The following DLC1 variants were observed in gnomAD, a reference collection of about 807,000 sequenced individuals.
DLC1 encodes the protein rho GTPase-activating protein 7.
Under a neutral mutation model 140.3 loss-of-function variants are expected in DLC1, and 54 were observed. The ratio of observed to expected loss-of-function variants is 0.38; its 90% confidence interval spans 0.31 to 0.48. DLC1 has a LOEUF of 0.48. Ranked by LOEUF, DLC1 falls within the 20% of genes least tolerant of loss-of-function variation. DLC1 has a pLI of 0.96. For missense variants in DLC1, 2,536 were observed against 1,907.0 expected, an observed-to-expected ratio of 1.33 and a Z score of -6.14; for synonymous variants, 986 against 728.1, an observed-to-expected ratio of 1.35 and a Z score of -5.70.
chr8:13,379,137 C>T (rs549388306), intron 4 of DLC1, among the ~76,000 whole-genome samples: 95 of 152,136 alleles, frequency 6.2e-4, no homozygotes, highest in Admixed American at 1.9e-3. Flanking sequence ...TCAAGAAAAA[C>T]GGTTCTTTAG....
At chr8:13,215,850 G>A (rs1470294646) in intron 5 of DLC1, among the ~76,000 whole-genome samples, 1 of 152,150 alleles carries the variant, frequency 6.6e-6, no homozygotes, top group Admixed American at 6.6e-5. Context: ...AGCCCGTGGA[G>A]TAATCTACTG....
intron 2 of DLC1, among the ~76,000 whole-genome samples, chr8:13,438,659 C>G (rs374150988): frequency 6.6e-6 from 1 of 152,112 alleles, no homozygotes; most frequent in Admixed American, 6.6e-5. Context: ...ACATTGAGTC[C>G]TTCTGCCGAG....
At chr8:13,214,613 G>T in intron 5 of DLC1, 1 of 771,134 alleles carries the variant, frequency 1.3e-6, no homozygotes, top group South Asian at 1.4e-5. Flanking sequence ...TGTTCTGCCA[G>T]GCACACACCG....
At chr8:13,344,291 T>C (rs71514460) in intron 4 of DLC1, among the ~76,000 whole-genome samples, 135,635 of 151,990 alleles carry the variant, frequency 0.89, 61,042 homozygotes, top group East Asian at 0.99. Context: ...ATCAGGAGTT[T>C]GAGACCAGCC....
intron 5 of DLC1, among the ~76,000 whole-genome samples, chr8:13,188,881 A>C (rs919808317): frequency 8.0e-6 from 1 of 125,536 alleles, no homozygotes. Context: ...AGTGGAGATG[A>C]AGTTTCATCA....
At chr8:13,557,363 A>C (rs1268489176) in intron 1 of DLC1, among the ~76,000 whole-genome samples, 1 of 152,154 alleles carries the variant, frequency 6.6e-6, no homozygotes, top group East Asian at 1.9e-4. Flanking sequence ...CTGGGTAATT[A>C]TTTGGAAAAC....
intron 5 of DLC1, among the ~76,000 whole-genome samples, chr8:13,253,453 T>G (rs547913806): frequency 7.6e-6 from 1 of 132,060 alleles, no homozygotes; most frequent in Non-Finnish European, 1.7e-5. Flanking sequence ...GTGTGTGTGA[T>G]TGTATGTGTG....
intron 5 of DLC1, among the ~76,000 whole-genome samples, chr8:13,135,874 A>C (rs1822531180): frequency 6.6e-6 from 1 of 152,136 alleles, no homozygotes; most frequent in Admixed American, 6.5e-5. Context: ...ATTTCATTAC[A>C]TGTCTCTGGA....
chr8:13,214,913 T>A (rs988939647), intron 5 of DLC1: 1 of 647,550 alleles, frequency 1.5e-6, no homozygotes, highest in African/African-American at 1.8e-5. Flanking sequence ...GAATAAGATA[T>A]TGTCAAACTC....
chr8:13,099,229 G>A (rs1463471413), intron 9 of DLC1, 118 bp downstream of exon 9: 4 of 1,475,952 alleles, frequency 2.7e-6, no homozygotes, highest in African/African-American at 2.8e-5. Flanking sequence ...ACCTTCCTTA[G>A]GAATGGACAT....
chr8:13,603,916 ACTGCGTGAGTCTG>A (rs1805966307), intron 1 of DLC1, among the ~76,000 whole-genome samples: 1 of 152,076 alleles, frequency 6.6e-6, no homozygotes, highest in African/African-American at 2.4e-5. Flanking sequence ...TTTCTCTTGG[ACTGCGTGAGTCTG>A]TTTGGTACAT....
At chr8:13,374,575 G>C (rs977006936) in intron 4 of DLC1, among the ~76,000 whole-genome samples, 1 of 152,166 alleles carries the variant, frequency 6.6e-6, no homozygotes, top group African/African-American at 2.4e-5. Flanking sequence ...ATGAGGTCAG[G>C]AGTTTGAGAC....
intron 5 of DLC1, among the ~76,000 whole-genome samples, chr8:13,256,494 G>A (rs1830233578): frequency 6.6e-6 from 1 of 152,118 alleles, no homozygotes; most frequent in African/African-American, 2.4e-5. Context: ...GTGATAGACT[G>A]GATAAAGAAA....
At chr8:13,597,992 C>A (rs1272554653) in intron 1 of DLC1, among the ~76,000 whole-genome samples, 1 of 151,990 alleles carries the variant, frequency 6.6e-6, no homozygotes. Flanking sequence ...AAAATAAAAT[C>A]GGTATCAAGA....
At chr8:13,416,316 C>T (rs1300422417) in intron 2 of DLC1, among the ~76,000 whole-genome samples, 1 of 152,066 alleles carries the variant, frequency 6.6e-6, no homozygotes, top group Non-Finnish European at 1.5e-5. Context: ...AAAACAATCT[C>T]CATAACCTAA....
chr8:13,567,127 T>C (rs1804466498), intron 1 of DLC1: 2 of 1,551,738 alleles, frequency 1.3e-6, no homozygotes, highest in Non-Finnish European at 1.7e-6. Context: ...AGGACGGCAG[T>C]CCTCGCCCCT....
Position 13,090,247 on chromosome 8 carries a change from C to G in DLC1, c.4074+5G>C, listed in dbSNP as rs1451751829. 1 of 1,613,072 alleles carries G rather than the reference C, an allele frequency of 6.2e-7. No individual in the cohort carries two copies. The highest frequency in any genetic ancestry group is 8.5e-7 in the Non-Finnish European group (1 of 1,179,618). On this transcript the variant is annotated splice_donor_5th_base_variant and intron_variant, in intron 15 of 17. Transcript: ENST00000276297. ...CAACTAGCCGACAACAGGGTGAAGCCTTACCTTCTTATAGGACAGCTCAGC... is the reference window on the plus strand; with the variant it reads ...CAACTAGCCGACAACAGGGTGAAGCGTTACCTTCTTATAGGACAGCTCAGC...
chr8:13,233,061 G>A (rs1299317887), intron 5 of DLC1, among the ~76,000 whole-genome samples: 1 of 152,094 alleles, frequency 6.6e-6, no homozygotes, highest in Non-Finnish European at 1.5e-5. Flanking sequence ...TTGGGAGGCT[G>A]AAGTGGATGT....
chr8:13,544,572 G>C (rs1803593611), intron 1 of DLC1, among the ~76,000 whole-genome samples: 1 of 152,254 alleles, frequency 6.6e-6, no homozygotes, highest in African/African-American at 2.4e-5. Context: ...AAGTGTAGCA[G>C]CTGGGGCTGC....
Sources: gnomAD v4.1 joint callset for allele counts (sites outside exome capture counted in the v4.1 genomes callset) on GRCh38, gnomAD v4.1.1 for gene constraint, MANE v1.5 for transcripts, NCBI Gene and HGNC (gene_info 2026-07-23, HGNC 2026-07-21) for gene names.